Variants in INPP4B observed in about 807,000 individuals in gnomAD.
INPP4B encodes inositol polyphosphate-4-phosphatase type II B.
In INPP4B, 55 loss-of-function variants were observed where a neutral mutation model predicts 122.5. The ratio of observed to expected loss-of-function variants is 0.45; its 90% CI spans 0.36 to 0.56. The LOEUF is 0.56. Ranked by LOEUF, INPP4B falls within the 20% of genes least tolerant of loss-of-function variation. The pLI is 0.00. For missense variants in INPP4B, 1,000 were observed against 1,097.7 expected, an observed-to-expected ratio of 0.91 and a Z score of 1.26; for synonymous variants, 403 against 388.7, an observed-to-expected ratio of 1.04 and a Z score of -0.43.
rs145442687 is a variant in INPP4B at position 142,527,406 on chromosome 4, A to G, written c.-190-64680T>C. On this transcript the variant is annotated intron_variant, in intron 2 of 25. Coordinates refer to ENST00000262992, the MANE Select transcript of INPP4B (RefSeq NM_001101669.3). Reference sequence around the variant, plus strand: ...AAACATATTTACAATATATTTCTTGATAGTTAATACGATGCAGAAAGCATT... The same window carrying G: ...AAACATATTTACAATATATTTCTTGGTAGTTAATACGATGCAGAAAGCATT... 2.8e-3 allele frequency among the ~76,000 whole-genome samples: 422 copies of G among 152,154 alleles called. 4 individuals carry two copies. The highest frequency in any genetic ancestry group is 9.9e-3 in the African/African-American group (412 of 41,546).
chr4:142,651,246 T>C (rs991572530), intron 2 of INPP4B, among the ~76,000 whole-genome samples: 1 of 152,082 alleles, frequency 6.6e-6, no homozygotes, highest in Non-Finnish European at 1.5e-5. Flanking sequence ...TTTATAGCAC[T>C]AAAATGCCTG....
intron 25 of INPP4B, among the ~76,000 whole-genome samples, chr4:142,064,262 A>G (rs1431607889): frequency 6.6e-6 from 1 of 152,224 alleles, no homozygotes; most frequent in African/African-American, 2.4e-5. Flanking sequence ...ATACATTAGC[A>G]GCTTTTAAGT....
At chr4:142,406,549 G>C (rs1170020951) in intron 5 of INPP4B, among the ~76,000 whole-genome samples, 1 of 152,190 alleles carries the variant, frequency 6.6e-6, no homozygotes, top group Non-Finnish European at 1.5e-5. Flanking sequence ...ACTTCGGAAT[G>C]AAACAGGCTT....
intron 2 of INPP4B, among the ~76,000 whole-genome samples, chr4:142,686,035 T>C (rs189025199): frequency 1.7e-4 from 26 of 152,228 alleles, no homozygotes; most frequent in South Asian, 1.7e-3. Flanking sequence ...AAAATCTCTA[T>C]AGGCTGTTGA....
intron 7 of INPP4B, among the ~76,000 whole-genome samples, chr4:142,345,848 T>C (rs551421252): frequency 5.1e-4 from 78 of 152,146 alleles, no homozygotes; most frequent in African/African-American, 1.7e-3. Flanking sequence ...TTCCCTATAA[T>C]TGCTAGTATT....
At chr4:142,717,437 A>G (rs1296553343) in intron 2 of INPP4B, among the ~76,000 whole-genome samples, 3 of 152,228 alleles carry the variant, frequency 2.0e-5, no homozygotes, top group Admixed American at 2.0e-4. Context: ...GCCAGGAAGC[A>G]ATAAGCTAAG....
chr4:142,781,662 A>G (rs1774845759), intron 1 of INPP4B, among the ~76,000 whole-genome samples: 1 of 152,214 alleles, frequency 6.6e-6, no homozygotes, highest in African/African-American at 2.4e-5. Flanking sequence ...TAGAAATTGG[A>G]TGATTTTGCA....
Position 142,124,693 on chromosome 4 carries a change from G to T in INPP4B, c.1788C>A (p.Asn596Lys), listed in dbSNP as rs1797974940. 1.2e-6 allele frequency: 2 copies of T among 1,612,220 alleles called. No individual in the cohort carries two copies. The highest frequency in any genetic ancestry group is 3.3e-5 in the Admixed American group (2 of 59,820). ...TLKDCMGEVV[N>K]RAKQSLTFVL... is the part of the protein sequence containing the mutation. Reference sequence around the variant, plus strand: ...CAAATGTCAGGGACTGCTTGGCTCGGTTCACCACTTCTCCCATGCAGTCCT... The same window carrying T: ...CAAATGTCAGGGACTGCTTGGCTCGTTTCACCACTTCTCCCATGCAGTCCT... Residue 596 changes from asparagine to lysine, a missense_variant, in exon 19 of 26, where the codon AAC becomes AAA. Physicochemically the swap from Asn to Lys is moderately conservative, Grantham distance 94. Coordinates refer to ENST00000262992, the MANE Select transcript of INPP4B (RefSeq NM_001101669.3).
At chr4:142,601,513 C>A (rs1248002367) in intron 2 of INPP4B, among the ~76,000 whole-genome samples, 1 of 147,560 alleles carries the variant, frequency 6.8e-6, no homozygotes, top group Admixed American at 6.8e-5. Flanking sequence ...AAAATGGAAA[C>A]ATGACATACC....
Position 142,352,394 on chromosome 4 carries a change from AAC to A in INPP4B, c.373-37634_373-37633del, listed in dbSNP as rs1328092821. 3.9e-5 allele frequency among the ~76,000 whole-genome samples: 6 copies of A among 152,034 alleles called. 1 individual carries two copies. The South Asian group carries it at 1.2e-3, about 32-fold the overall frequency. ...TTTGCTTCCAGGTCCTCAAGACTGA[AAC>A]ACACACACATAGATTAAAAGTACAA... On this transcript the variant is annotated intron_variant, in intron 7 of 25. Coordinates refer to ENST00000262992, the MANE Select transcript of INPP4B (RefSeq NM_001101669.3).
rs1440446044 is a variant in INPP4B, at chr4:142,160,529, T to C, written c.1392A>G (p.Gln464=). ...GTGCTAAAAGAGCACTCCTGACAAG[T>C]TGATCCTTGAAGGCATGTACAAAAA... is the stretch of plus-strand genomic sequence containing the variant. ...TELFVHAFKD[Q]LVRSALLALY... The change falls in exon 17 of 26, where the codon CAA becomes CAG. Residue 464 remains glutamine (Q), a synonymous_variant. Coordinates refer to ENST00000262992, the MANE Select transcript of INPP4B (RefSeq NM_001101669.3). 1.1e-5 allele frequency: 17 copies of C among 1,607,998 alleles called. No individual in the cohort carries two copies. Among genetic ancestry groups the C allele is most frequent in the Admixed American group, 1.7e-5 (1 of 59,550 alleles).
At chr4:142,678,265 C>T (rs1425552262) in intron 2 of INPP4B, among the ~76,000 whole-genome samples, 1 of 151,870 alleles carries the variant, frequency 6.6e-6, no homozygotes, top group Non-Finnish European at 1.5e-5. Context: ...GCCCTCTAGT[C>T]CTGTAACAAG....
At chr4:142,720,744 ATATACATATATATATAATCTCTCTCTC>A (rs1560996186) in intron 2 of INPP4B, among the ~76,000 whole-genome samples, 24 of 99,514 alleles carry the variant, frequency 2.4e-4, no homozygotes, top group African/African-American at 9.9e-4. Context: ...ATATATATAT[ATATACATATATATATAATCTCTCTCTC>A]TCTCTCTCTC....
At chr4:142,056,612 T>C (rs1379449641) in intron 25 of INPP4B, among the ~76,000 whole-genome samples, 1 of 152,066 alleles carries the variant, frequency 6.6e-6, no homozygotes, top group Non-Finnish European at 1.5e-5. Context: ...AACATAAGAT[T>C]GAGGCCTCAG....
At chr4:142,075,056 T>C (rs2152500674) in intron 25 of INPP4B, among the ~76,000 whole-genome samples, 1 of 152,154 alleles carries the variant, frequency 6.6e-6, no homozygotes, top group Non-Finnish European at 1.5e-5. Context: ...TTGTGGGAAT[T>C]AGCAGTTTCC....
chr4:142,614,660 A>G (rs1743305420), intron 2 of INPP4B, among the ~76,000 whole-genome samples: 1 of 152,214 alleles, frequency 6.6e-6, no homozygotes, highest in Non-Finnish European at 1.5e-5. Context: ...CAGAGGGCTA[A>G]TATCCAGAAC....
chr4:142,628,479 G>C (rs1051694100), intron 2 of INPP4B, among the ~76,000 whole-genome samples: 1 of 139,098 alleles, frequency 7.2e-6, no homozygotes, highest in Non-Finnish European at 1.5e-5. Flanking sequence ...GAGTTAGTGG[G>C]TGCAGCGCAC....
At chr4:142,757,555 C>G (rs1392826741) in intron 1 of INPP4B, among the ~76,000 whole-genome samples, 2 of 152,100 alleles carry the variant, frequency 1.3e-5, no homozygotes, top group Non-Finnish European at 2.9e-5. Context: ...TTCATGTTGG[C>G]TTCTTTCCCT....
At chr4:142,097,123 A>G (rs975949862) in intron 23 of INPP4B, among the ~76,000 whole-genome samples, 2 of 151,910 alleles carry the variant, frequency 1.3e-5, no homozygotes, top group Non-Finnish European at 2.9e-5. Flanking sequence ...GGGTTTGCAA[A>G]CTATGACTTG....
Sources: gnomAD v4.1 joint callset for allele counts (sites outside exome capture counted in the v4.1 genomes callset) on GRCh38, gnomAD v4.1.1 for gene constraint, MANE v1.5 for transcripts, NCBI Gene and HGNC (gene_info 2026-07-23, HGNC 2026-07-21) for gene names.